Variants in TM7SF2 observed in about 807,000 individuals in gnomAD.
TM7SF2 encodes delta(14)-sterol reductase TM7SF2.
In TM7SF2, 51 loss-of-function variants were observed where a neutral mutation model predicts 51.0. That is an observed-to-expected ratio of 1.00 (90% CI 0.80 to 1.26). TM7SF2 has a LOEUF of 1.26. Among genes scored for constraint, TM7SF2 ranks in the 50% most tolerant of loss-of-function variants. The pLI is 0.00. For missense variants in TM7SF2, 541 were observed against 547.4 expected (o/e 0.99, Z 0.12); for synonymous variants, 255 against 241.0 (o/e 1.06, Z -0.54).
rs1947935614 is a variant in TM7SF2 at position 65,113,329 on chromosome 11, C to T, written c.414C>T (p.Thr138=). Residue 138 remains threonine (T), a synonymous_variant, in exon 4 of 10, where the codon ACC becomes ACT. Transcript: ENST00000279263. ...TCCTGCCCTTGGCGTTTGTCGCCAC[C>T]CTCACCGCTTTCATCTTCAGCCTCT... ...EMLLPLAFVA[T]LTAFIFSLFL... is the part of the protein sequence containing the mutation. The T allele has an allele frequency of 6.2e-6, 10 of 1,613,856 alleles. No homozygotes were observed. The highest frequency in any genetic ancestry group is 1.1e-5 in the South Asian group (1 of 91,090).
intron 9 of TM7SF2, 78 bp downstream of exon 9, chr11:65,115,676 G>A (rs2137207908): frequency 6.2e-6 from 10 of 1,610,118 alleles, no homozygotes; most frequent in African/African-American, 1.3e-5. Context: ...GCCTACTTTG[G>A]GTATGCACCA....
chr11:65,112,630 G>C lies in TM7SF2; in HGVS notation c.168G>C (p.Val56=). Residue 56 remains valine (V), a synonymous_variant, in exon 2 of 10, where the codon GTG becomes GTC. Transcript: ENST00000279263. ...CCGCGTCCCTGCCGGGGCTGGAGGT[G>C]CTGTGGAGCCCACGGGCGCTGCTGC... ...GPPASLPGLE[V]LWSPRALLLW... is the part of the protein sequence containing the mutation. 2 of 1,532,278 alleles carry C rather than the reference G, an allele frequency of 1.3e-6. No homozygotes were observed. The highest frequency in any genetic ancestry group is 1.8e-6 in the Non-Finnish European group (2 of 1,142,470). 94.9% of individuals were successfully genotyped at this position (1,532,278 alleles called of 1,614,324 possible).
At chr11:65,113,839 A>G in intron 5 of TM7SF2, 1 of 558,592 alleles carries the variant, frequency 1.8e-6, no homozygotes, top group Non-Finnish European at 3.2e-6. Context: ...AATAAGTAAA[A>G]TATATACAGC....
intron 1 of TM7SF2, 149 bp from the exon 2 acceptor site, chr11:65,112,366 T>G (rs1947916365): frequency 1.1e-6 from 1 of 903,632 alleles, no homozygotes; most frequent in African/African-American, 1.8e-5. Context: ...GGCAGCGGGG[T>G]GCCTGGGGGC....
rs373299244 is a variant in TM7SF2 at position 65,116,009 on chromosome 11, T to C, written c.1213T>C (p.Tyr405His). The C allele has an allele frequency of 5.0e-6, 8 of 1,611,510 alleles. No homozygotes were observed. The African/African-American group carries it at 9.4e-5, about 19-fold the overall frequency. Reference sequence around the variant, plus strand: ...GAAGTACGGCCTGGCCTGGCAGGAGTACTGCCGGCGTGTGCCTTACCGCAT... The same window carrying C: ...GAAGTACGGCCTGGCCTGGCAGGAGCACTGCCGGCGTGTGCCTTACCGCAT... ...LQKYGLAWQE[Y>H]CRRVPYRIMP... Residue 405 changes from tyrosine to histidine, a missense_variant, in exon 10 of 10, where the codon TAC (tyrosine) becomes CAC (histidine). By Grantham distance (83) the Tyr-to-His change is moderately conservative (BLOSUM62 2). Coordinates refer to ENST00000279263, the MANE Select transcript of TM7SF2 (RefSeq NM_003273.6).
chr11:65,115,254 G>T, intron 7 of TM7SF2, 60 bp from the exon 8 acceptor site: 2 of 1,601,132 alleles, frequency 1.2e-6, no homozygotes, highest in South Asian at 1.1e-5. Flanking sequence ...GCAGATGTTC[G>T]GGGTCAGGCA....
rs544507657 is a variant in TM7SF2, at chr11:65,115,903, C to G, written c.1107C>G (p.His369Gln). Residue 369 changes from histidine (H) to glutamine (Q), a missense_variant, in exon 10 of 10, where the codon CAC becomes CAG. Coordinates refer to ENST00000279263, the MANE Select transcript of TM7SF2 (RefSeq NM_003273.6). ...LAWSLPCGVS[H>Q]LLPYFYLLYF... Reference sequence around the variant, plus strand: ...CCTCCTTCTCTACAGGGGTGTCACACCTGCTGCCCTACTTCTACCTCCTCT... The same window carrying G: ...CCTCCTTCTCTACAGGGGTGTCACAGCTGCTGCCCTACTTCTACCTCCTCT... The G allele has an allele frequency of 2.5e-6, 4 of 1,613,954 alleles. No homozygotes were observed. Among genetic ancestry groups the G allele is most frequent in the Non-Finnish European group, 3.4e-6 (4 of 1,180,012 alleles).
chr11:65,115,151 C>T lies in TM7SF2; in HGVS notation c.892+70C>T, dbSNP rs764928802. The T allele has an allele frequency of 1.8e-5, 29 of 1,597,370 alleles. No individual in the cohort carries two copies. In the East Asian group the frequency reaches 2.0e-4, roughly 11 times the overall value. Reference sequence around the variant, plus strand: ...CCCTTTGATTCATGCTCTGTTTACACGCACCACCACATAGGTGCTAACCCC... The same window carrying T: ...CCCTTTGATTCATGCTCTGTTTACATGCACCACCACATAGGTGCTAACCCC... On this transcript the variant is annotated intron_variant, in intron 7 of 9. Transcript: ENST00000279263.
Position 65,114,934 on chromosome 11 carries a change from G to T in TM7SF2, c.745G>T (p.Asp249Tyr), listed in dbSNP as rs200355387. The change falls in exon 7 of 10, where the codon GAT becomes TAT. Residue 249 changes from aspartate (D) to tyrosine (Y), a missense_variant. Coordinates refer to ENST00000279263, the MANE Select transcript of TM7SF2 (RefSeq NM_003273.6). Reference protein sequence around the residue: ...WHEEAVLTTMDITHDGFGFML... With the variant: ...WHEEAVLTTMYITHDGFGFML... ...GCAGGAGGCCGTCCTCACCACCATG[G>T]ATATCACACATGACGGGTTTGGCTT... The T allele has an allele frequency of 7.2e-5, 117 of 1,614,246 alleles. No homozygotes were observed. In the African/African-American group the frequency reaches 1.3e-3, roughly 18 times the overall value.
rs781766885 is a variant in TM7SF2 at position 65,112,575 on chromosome 11, G to C, written c.113G>C (p.Arg38Pro). Residue 38 changes from arginine (R) to proline (P), a missense_variant, in exon 2 of 10, where the codon CGT (arginine) becomes CCT (proline). Coordinates refer to ENST00000279263, the MANE Select transcript of TM7SF2 (RefSeq NM_003273.6). ...ATMFHLLLAARSGPARLLGPP... is the reference protein window; with the variant it reads ...ATMFHLLLAAPSGPARLLGPP... ...ATGTTCCACCTGCTCCTGGCGGCCCGTTCGGGCCCCGCGCGCCTGCTGGGT... is the reference window on the plus strand; with the variant it reads ...ATGTTCCACCTGCTCCTGGCGGCCCCTTCGGGCCCCGCGCGCCTGCTGGGT... The C allele has an allele frequency of 3.9e-6, 6 of 1,523,396 alleles. No homozygotes were observed. The highest frequency in any genetic ancestry group is 5.2e-6 in the Non-Finnish European group (6 of 1,144,098). 94.4% of individuals were successfully genotyped at this position (1,523,396 alleles called of 1,614,324 possible).
At position 65,111,993 on chromosome 11, in the gene TM7SF2, C is replaced by T. The variant is rs1565320390; in HGVS notation, c.-23C>T. On this transcript the variant is annotated 5_prime_UTR_variant, in exon 1 of 10. Coordinates refer to ENST00000279263, the MANE Select transcript of TM7SF2 (RefSeq NM_003273.6). ...CTTGACTGACTATTGTGAGCGCCCT[C>T]TCTCTCCGGCGGAGCGGAGACCATG... 3 of 1,573,846 alleles carry T rather than the reference C, an allele frequency of 1.9e-6. No individual in the cohort carries two copies. The highest frequency in any genetic ancestry group is 8.6e-7 in the Non-Finnish European group (1 of 1,159,990).
chr11:65,112,485 G>T, intron 1 of TM7SF2, 30 bp from the exon 2 acceptor site: 2 of 1,493,516 alleles, frequency 1.3e-6, no homozygotes, highest in Admixed American at 2.2e-5. Flanking sequence ...GGCTAGGGGC[G>T]GACGCCCGAC....
At chr11:65,113,633 GA>G in intron 5 of TM7SF2, 39 bp downstream of exon 5, 1 of 1,576,820 alleles carries the variant, frequency 6.3e-7, no homozygotes. Context: ...AGGCCAGGGG[GA>G]GGGTTAGGGT....
At chr11:65,115,452 C>T in intron 8 of TM7SF2, 24 bp from the exon 9 acceptor site, 1 of 1,614,144 alleles carries the variant, frequency 6.2e-7, no homozygotes, top group Non-Finnish European at 8.5e-7. Context: ...CCTGGGAACT[C>T]TCCACCCTGC....
At chr11:65,112,335 C>T in intron 1 of TM7SF2, 180 bp from the exon 2 acceptor site, 1 of 738,072 alleles carries the variant, frequency 1.4e-6, no homozygotes, top group Non-Finnish European at 2.1e-6. Context: ...CTAAGATGGA[C>T]GCCTGGGAAG....
At chr11:65,112,243 G>A in intron 1 of TM7SF2, 176 bp downstream of exon 1, 3 of 699,314 alleles carry the variant, frequency 4.3e-6, no homozygotes, top group South Asian at 3.8e-5. Context: ...AGGAGGGGCC[G>A]GTTCTGGGGG....
chr11:65,111,928 G>C lies in TM7SF2; in HGVS notation c.-88G>C, dbSNP rs1947909310. 2.1e-6 allele frequency: 3 copies of C among 1,429,860 alleles called. No homozygotes were observed. Among genetic ancestry groups the C allele is most frequent in the Middle Eastern group, 1.8e-4 (1 of 5,632 alleles). The allele number at this position is 1,429,860 out of a possible 1,614,324, so 88.6% of individuals were successfully genotyped here. A position where few individuals can be genotyped will look rare whatever the true frequency, so the allele number is the denominator to read the frequency against. ...GCCGCGGGGCCGGATCCTCCGCGCG[G>C]CCGAGTCCATCTCCTGGGAAATGGG... On this transcript the variant is annotated 5_prime_UTR_variant, in exon 1 of 10. Coordinates refer to ENST00000279263, the MANE Select transcript of TM7SF2 (RefSeq NM_003273.6).
rs1947983883 is a variant in TM7SF2, at chr11:65,116,204, G to A, written c.*151G>A. ...TCAGAGAAGAGGTGGTTTAGAGCAA[G>A]GAAAAAAATGAAACCAGTGACCAAA... On this transcript the variant is annotated 3_prime_UTR_variant, in exon 10 of 10. Transcript: ENST00000279263. 2.4e-6 allele frequency: 3 copies of A among 1,240,818 alleles called. No homozygotes were observed. The highest frequency in any genetic ancestry group is 1.5e-5 in the African/African-American group (1 of 65,928). 76.9% of individuals were successfully genotyped at this position (1,240,818 alleles called of 1,614,324 possible).
At chr11:65,113,093 G>A (rs922652412) in intron 3 of TM7SF2, 127 bp from the exon 4 acceptor site, 4 of 1,156,640 alleles carry the variant, frequency 3.5e-6, no homozygotes, top group Non-Finnish European at 4.8e-6. Flanking sequence ...TCCTCTGAAG[G>A]CCAGGGTGGC....
Sources: allele counts gnomAD v4.1 joint callset, GRCh38; gene constraint gnomAD v4.1.1; transcripts MANE v1.5; gene names NCBI Gene and HGNC (gene_info 2026-07-23, HGNC 2026-07-21).